DENND1B: variants seen among roughly 807,000 people sequenced by gnomAD.
DENND1B encodes DENN domain-containing protein 1B.
A neutral mutation model predicts 90.1 loss-of-function variants in DENND1B; 59 were observed. The observed-to-expected ratio is 0.65, with a 90% CI of 0.53 to 0.81. The LOEUF is 0.81. DENND1B is among the 40% of genes least tolerant of loss of function. DENND1B has a pLI of 0.00. For missense variants in DENND1B, 862 were observed against 912.6 expected, an observed-to-expected ratio of 0.94 and a Z score of 0.71; for synonymous variants, 337 against 324.6, an observed-to-expected ratio of 1.04 and a Z score of -0.41.
At chr1:197,592,032 C>T (rs1487990460) in intron 14 of DENND1B, among the ~76,000 whole-genome samples, 5 of 133,122 alleles carry the variant, frequency 3.8e-5, no homozygotes, top group Admixed American at 2.8e-4. Context: ...TGGCATGAAC[C>T]CGGGAGGTGG....
At chr1:197,645,656 TAAG>T (rs758117059) in intron 9 of DENND1B, 31 bp downstream of exon 9, 19 of 1,357,890 alleles carry the variant, frequency 1.4e-5, no homozygotes, top group Admixed American at 2.4e-5. Context: ...ATTAATAATA[TAAG>T]AATAATTAAA....
At chr1:197,682,514 T>C (rs1452227308) in intron 3 of DENND1B, among the ~76,000 whole-genome samples, 1 of 152,166 alleles carries the variant, frequency 6.6e-6, no homozygotes, top group Non-Finnish European at 1.5e-5. Context: ...TTTAATACAT[T>C]AGAATAGCAA....
chr1:197,686,919 C>G (rs77971642), intron 3 of DENND1B, among the ~76,000 whole-genome samples: 5,070 of 152,244 alleles, frequency 0.033, 290 homozygotes, highest in African/African-American at 0.11. Context: ...GAATCCAGTT[C>G]AACGACCTAA....
At chr1:197,777,160 C>T (rs555999423), upstream of DENND1B, among the ~76,000 whole-genome samples, 10 of 151,972 alleles carry the variant, frequency 6.6e-5, no homozygotes, top group Non-Finnish European at 1.5e-4. Context: ...ATTTCTCAAA[C>T]TTCTCCTTTC....
intron 2 of DENND1B, among the ~76,000 whole-genome samples, chr1:197,721,093 G>A (rs1238898030): frequency 3.6e-5 from 4 of 110,470 alleles, no homozygotes; most frequent in Admixed American, 1.3e-4. Flanking sequence ...TTTTTGAGAC[G>A]GAGTCTCACT....
chr1:197,719,060 A>G (rs1363981392), intron 2 of DENND1B, among the ~76,000 whole-genome samples: 2 of 152,108 alleles, frequency 1.3e-5, no homozygotes, highest in African/African-American at 4.8e-5. Context: ...TGGCAACTAT[A>G]TTAAAAGACA....
At chr1:197,526,924 A>G (rs1669175883) in intron 20 of DENND1B, among the ~76,000 whole-genome samples, 2 of 152,180 alleles carry the variant, frequency 1.3e-5, no homozygotes, top group Admixed American at 6.5e-5. Flanking sequence ...TTTTTGTGTA[A>G]CTATCTTCTT....
intron 2 of DENND1B, among the ~76,000 whole-genome samples, chr1:197,740,276 G>A (rs959028226): frequency 1.3e-5 from 2 of 152,204 alleles, no homozygotes; most frequent in African/African-American, 4.8e-5. Flanking sequence ...AGAAGCCAGT[G>A]TGGCTGCAGT....
At chr1:197,600,174 C>T (rs956115542) in intron 13 of DENND1B, among the ~76,000 whole-genome samples, 2 of 151,794 alleles carry the variant, frequency 1.3e-5, no homozygotes, top group African/African-American at 4.8e-5. Flanking sequence ...TCTGAGAGTG[C>T]GGACTAGTAA....
intron 2 of DENND1B, chr1:197,736,113 G>A: frequency 1.4e-6 from 1 of 693,194 alleles, no homozygotes; most frequent in East Asian, 2.7e-5. Flanking sequence ...ACGCTAAACT[G>A]GCAGATTAGA....
At chr1:197,527,427 C>T (rs1669226103) in intron 20 of DENND1B, among the ~76,000 whole-genome samples, 1 of 151,240 alleles carries the variant, frequency 6.6e-6, no homozygotes, top group Admixed American at 6.6e-5. Flanking sequence ...GGATTATAGG[C>T]ATGCATCACT....
At chr1:197,575,799 G>A (rs1338148919) in intron 15 of DENND1B, among the ~76,000 whole-genome samples, 2 of 152,112 alleles carry the variant, frequency 1.3e-5, no homozygotes, top group Non-Finnish European at 2.9e-5. Context: ...GGATGAAGCT[G>A]GAAACCATCA....
At chr1:197,680,086 G>A (rs1656522789) in intron 3 of DENND1B, among the ~76,000 whole-genome samples, 1 of 151,996 alleles carries the variant, frequency 6.6e-6, no homozygotes, top group South Asian at 2.1e-4. Context: ...GGAGGTGATC[G>A]CACTACTTGA....
chr1:197,510,218 T>C lies in DENND1B; in HGVS notation c.*242A>G, dbSNP rs1008110837. 6 of 473,356 alleles carry C rather than the reference T, an allele frequency of 1.3e-5. No individual in the cohort carries two copies. The highest frequency in any genetic ancestry group is 1.0e-4 in the African/African-American group (5 of 50,054). 29.3% of individuals were successfully genotyped at this position (473,356 alleles called of 1,614,324 possible). ...AAGCACCAAACACTGGGAAATCTCATGGTCAATACATACTTTAAACATACA... is the reference window on the plus strand; with the variant it reads ...AAGCACCAAACACTGGGAAATCTCACGGTCAATACATACTTTAAACATACA... On this transcript the variant is annotated 3_prime_UTR_variant, in exon 23 of 23. Transcript: ENST00000620048.
In DENND1B at chr1:197,642,697, T is replaced by C. The variant is rs1195173961; in HGVS notation, c.672+14A>G. On this transcript the variant is annotated intron_variant, in intron 10 of 22. Transcript: ENST00000620048. The stretch of plus-strand genomic sequence containing the variant: ...CTCAATACCTGCTACTTAAAAGAAG[T>C]GTGAAGTACTTACAGTGCTTAATTT... 3 of 1,582,940 alleles carry C rather than the reference T, an allele frequency of 1.9e-6. No homozygotes were observed. In the African/African-American group the frequency reaches 4.1e-5, roughly 21 times the overall value.
At chr1:197,513,064 G>A (rs942610745) in intron 20 of DENND1B, 111 bp from the exon 21 acceptor site, 20 of 779,088 alleles carry the variant, frequency 2.6e-5, no homozygotes, top group Non-Finnish European at 3.6e-5. Context: ...CAAGAAATAT[G>A]CATTCAGGGT....
At chr1:197,609,791 G>A (rs989386001) in intron 12 of DENND1B, among the ~76,000 whole-genome samples, 2 of 150,280 alleles carry the variant, frequency 1.3e-5, no homozygotes, top group African/African-American at 4.9e-5. Context: ...CCAAGAGAGA[G>A]GGAATAAGAA....
chr1:197,751,782 T>C (rs1294316103), intron 2 of DENND1B, among the ~76,000 whole-genome samples: 2 of 150,554 alleles, frequency 1.3e-5, no homozygotes, highest in African/African-American at 4.9e-5. Flanking sequence ...AGGCGGAGGT[T>C]GCAGTGAGCC....
intron 13 of DENND1B, among the ~76,000 whole-genome samples, chr1:197,602,022 T>G (rs1294311490): frequency 1.3e-5 from 2 of 151,622 alleles, no homozygotes; most frequent in Non-Finnish European, 3.0e-5. Context: ...CAGCTGGGTA[T>G]GCAGAAGCAC....
Sources: gnomAD v4.1 joint callset for allele counts (sites outside exome capture counted in the v4.1 genomes callset) on GRCh38, gnomAD v4.1.1 for gene constraint, MANE v1.5 for transcripts, NCBI Gene and HGNC (gene_info 2026-07-23, HGNC 2026-07-21) for gene names.